Variants in TTLL5 observed in about 807,000 individuals in gnomAD.
The protein encoded by TTLL5 is tubulin tyrosine ligase like 5.
A neutral mutation model predicts 168.4 loss-of-function variants in TTLL5; 132 were observed. That is an observed-to-expected ratio of 0.78 (90% confidence interval 0.68 to 0.91). TTLL5 has a LOEUF of 0.91. TTLL5 is among the 40% of genes least tolerant of loss of function. The pLI is 0.00. For missense variants in TTLL5, 1,545 were observed against 1,581.5 expected (o/e 0.98, Z 0.39); for synonymous variants, 546 against 558.6 (o/e 0.98, Z 0.32).
intron 29 of TTLL5, among the ~76,000 whole-genome samples, chr14:75,879,099 A>G (rs970708136): frequency 6.6e-6 from 1 of 152,232 alleles, no homozygotes; most frequent in Non-Finnish European, 1.5e-5. Flanking sequence ...AAAATTAATC[A>G]TATATAAATT....
At chr14:75,770,194 A>AG (rs1891210286) in intron 20 of TTLL5, among the ~76,000 whole-genome samples, 1 of 151,504 alleles carries the variant, frequency 6.6e-6, no homozygotes, top group African/African-American at 2.4e-5. Context: ...AAAAAAAAAA[A>AG]AAAAGAAAAT....
At chr14:75,853,400 A>C (rs1896975046) in intron 28 of TTLL5, among the ~76,000 whole-genome samples, 1 of 152,106 alleles carries the variant, frequency 6.6e-6, no homozygotes, top group African/African-American at 2.4e-5. Flanking sequence ...TCACCTCCTC[A>C]TTCTTCCTGT....
chr14:75,813,682 G>A (rs1280469190), intron 27 of TTLL5, among the ~76,000 whole-genome samples: 3 of 152,020 alleles, frequency 2.0e-5, no homozygotes, highest in Admixed American at 6.6e-5. Flanking sequence ...CTAAAACGTA[G>A]CATATTAAAA....
At chr14:75,925,047 C>T (rs529958380) in intron 31 of TTLL5, among the ~76,000 whole-genome samples, 2,471 of 143,964 alleles carry the variant, frequency 0.017, 86 homozygotes, top group African/African-American at 0.036. Flanking sequence ...CGGGCAGAGG[C>T]GCCCCTCACC....
intron 30 of TTLL5, among the ~76,000 whole-genome samples, chr14:75,889,103 A>T (rs1282543241): frequency 6.6e-6 from 1 of 152,254 alleles, no homozygotes; most frequent in Non-Finnish European, 1.5e-5. Context: ...ATCATATAAA[A>T]GGAGCAAGGG....
intron 15 of TTLL5, among the ~76,000 whole-genome samples, chr14:75,743,792 A>G (rs533760838): frequency 4.6e-5 from 7 of 152,062 alleles, no homozygotes; most frequent in Admixed American, 2.0e-4. Context: ...CGTGTTAGCC[A>G]GGATGGTCTC....
intron 27 of TTLL5, among the ~76,000 whole-genome samples, chr14:75,815,507 A>G (rs1169505416): frequency 6.6e-6 from 1 of 152,256 alleles, no homozygotes; most frequent in African/African-American, 2.4e-5. Flanking sequence ...TTCATGATCA[A>G]GTCACTTTTT....
In TTLL5 at chr14:75,727,610, G is replaced by C. The variant is rs540682609; in HGVS notation, c.1043-4728G>C. ...TGTCTTGTGGTGGTGTTAGACAACT[G>C]CATATATTTGTCAAAACTCACCAAA... is the stretch of plus-strand genomic sequence containing the variant. On this transcript the variant is annotated intron_variant, in intron 12 of 31. Transcript: ENST00000298832. Among the ~76,000 whole-genome samples the C allele has an allele frequency of 3.9e-5, 6 of 152,260 alleles. No homozygotes were observed. In the East Asian group the frequency reaches 1.2e-3, roughly 29 times the overall value.
intron 27 of TTLL5, among the ~76,000 whole-genome samples, chr14:75,799,217 T>C (rs1440703951): frequency 1.3e-5 from 2 of 152,206 alleles, no homozygotes; most frequent in African/African-American, 2.4e-5. Flanking sequence ...CATTACGTAA[T>C]GTCCCTCTTT....
In TTLL5 at chr14:75,707,654, C is replaced by G; in HGVS notation, c.687C>G (p.Leu229=). The part of the protein sequence containing the change: ...DFKFDVRLYV[L]VTSYDPLVIY... The stretch of plus-strand genomic sequence containing the variant: ...AGTTTGACGTGCGCCTCTATGTGCT[C>G]GTGACTTCCTATGATCCTCTTGTCA... The change falls in exon 9 of 32, where the codon CTC becomes CTG. Residue 229 remains leucine, a synonymous_variant. Transcript: ENST00000298832. 1 of 1,593,884 alleles carries G rather than the reference C, an allele frequency of 6.3e-7. No homozygotes were observed. Among genetic ancestry groups the G allele is most frequent in the Non-Finnish European group, 8.6e-7 (1 of 1,168,668 alleles).
chr14:75,775,148 A>G (rs1356361782), intron 21 of TTLL5, among the ~76,000 whole-genome samples: 1 of 151,064 alleles, frequency 6.6e-6, no homozygotes, highest in Admixed American at 6.6e-5. Context: ...AGTTCCTACT[A>G]CCTGTCTTTG....
chr14:75,706,630 T>A lies in TTLL5; in HGVS notation c.586-388T>A, dbSNP rs188141436. ...CATTTAAGAATAGTAGTAGTATTTT[T>A]AAATTTCCATTATACTTCAGGGAGA... On this transcript the variant is annotated intron_variant, in intron 7 of 31. Transcript: ENST00000298832. 2.8e-3 allele frequency among the ~76,000 whole-genome samples: 429 copies of A among 152,338 alleles called. 3 individuals carry two copies. Among genetic ancestry groups the A allele is most frequent in the African/African-American group, 9.9e-3 (411 of 41,590 alleles).
At chr14:75,934,920 TAAG>T (rs2034389364) in intron 31 of TTLL5, among the ~76,000 whole-genome samples, 1 of 151,930 alleles carries the variant, frequency 6.6e-6, no homozygotes, top group Non-Finnish European at 1.5e-5. Flanking sequence ...CGGTGAAGAG[TAAG>T]AAAACAGTTA....
intron 28 of TTLL5, among the ~76,000 whole-genome samples, chr14:75,858,753 G>C (rs1404333352): frequency 1.3e-5 from 2 of 152,162 alleles, no homozygotes; most frequent in African/African-American, 4.8e-5. Context: ...TTAAATATCT[G>C]TACATTTCAC....
intron 28 of TTLL5, among the ~76,000 whole-genome samples, chr14:75,823,273 A>G (rs1434079972): frequency 6.6e-6 from 1 of 152,208 alleles, no homozygotes; most frequent in Non-Finnish European, 1.5e-5. Flanking sequence ...TTTGGGGTAC[A>G]TGGGAAGTCA....
At chr14:75,892,402 T>C (rs2140057201) in intron 30 of TTLL5, among the ~76,000 whole-genome samples, 1 of 152,330 alleles carries the variant, frequency 6.6e-6, no homozygotes, top group East Asian at 1.9e-4. Context: ...CAAGCTCCTG[T>C]GTCATATTGG....
At chr14:75,716,418 GCT>G (rs1887467401) in intron 9 of TTLL5, among the ~76,000 whole-genome samples, 1 of 151,734 alleles carries the variant, frequency 6.6e-6, no homozygotes, top group South Asian at 2.1e-4. Context: ...TCTTTCTTTG[GCT>G]CTTGTATATT....
chr14:75,878,216 G>A (rs185387721), intron 29 of TTLL5, among the ~76,000 whole-genome samples: 84 of 152,258 alleles, frequency 5.5e-4, no homozygotes, highest in South Asian at 2.1e-4. Context: ...TTAAGATTCC[G>A]TTTGGCTGCT....
chr14:75,694,031 G>T (rs1297831820), intron 6 of TTLL5, among the ~76,000 whole-genome samples: 1 of 152,140 alleles, frequency 6.6e-6, no homozygotes, highest in East Asian at 1.9e-4. Flanking sequence ...TCTACTCCAG[G>T]TTCATTGCTG....
Sources: allele counts gnomAD v4.1 joint callset (sites outside exome capture counted in the v4.1 genomes callset), GRCh38; gene constraint gnomAD v4.1.1; transcripts MANE v1.5; gene names NCBI Gene and HGNC (gene_info 2026-07-23, HGNC 2026-07-21).